The following TMC5 variants were observed in gnomAD, a reference collection of about 807,000 sequenced individuals.
The protein encoded by TMC5 is transmembrane channel-like protein 5.
In TMC5, 86 loss-of-function variants were observed where a neutral mutation model predicts 110.5. That is an observed-to-expected ratio of 0.78 (90% CI 0.65 to 0.93). TMC5 has a LOEUF of 0.93. Ranked by LOEUF, TMC5 falls within the 40% of genes least tolerant of loss-of-function variation. TMC5 has a pLI of 0.00. For missense variants in TMC5, 1,144 were observed against 1,222.8 expected (o/e 0.94, Z 0.96); for synonymous variants, 455 against 439.5 (o/e 1.04, Z -0.44).
chr16:19,460,315 G>C lies in TMC5; in HGVS notation c.1129G>C (p.Glu377Gln). 6.2e-7 allele frequency: 1 copy of C among 1,613,472 alleles called. No homozygotes were observed. Among genetic ancestry groups the C allele is most frequent in the South Asian group, 1.1e-5 (1 of 91,044 alleles). The change falls in exon 6 of 22, where the codon GAA (glutamate) becomes CAA (glutamine). Residue 377 changes from glutamate to glutamine, a missense_variant. Transcript: ENST00000542583. ...CATCAGGAACCAGCCAAGGACCATG[G>C]AAGAGAAAAGGAACCTTAGGTATGG... ...KAIRNQPRTM[E>Q]EKRNLRKIVD...
At position 19,457,142 on chromosome 16, in the gene TMC5, G is replaced by A. The variant is rs555961562; in HGVS notation, c.1049-3093G>A. On this transcript the variant is annotated intron_variant, in intron 5 of 21. Coordinates refer to ENST00000542583, the MANE Select transcript of TMC5 (RefSeq NM_001261841.2). Reference sequence around the variant, plus strand: ...TGGTGGCTCACACCTATAATCCTACGGCTTTGGGAGGCCAAGATAAGAGGA... The same window carrying A: ...TGGTGGCTCACACCTATAATCCTACAGCTTTGGGAGGCCAAGATAAGAGGA... 6.0e-5 allele frequency: 45 copies of A among 747,192 alleles called. No individual in the cohort carries two copies. The East Asian group carries it at 8.4e-4, about 14-fold the overall frequency. The allele number at this position is 747,192 out of a possible 1,614,324, so 46.3% of individuals were successfully genotyped here. A position where few individuals can be genotyped will look rare whatever the true frequency, so the allele number is the denominator to read the frequency against.
exon 1 of TMC5, chr16:19,411,021 C>G (rs1463308223): frequency 6.6e-6 from 1 of 152,280 alleles, no homozygotes; most frequent in Non-Finnish European, 1.5e-5. Flanking sequence ...GCGGCTCCAG[C>G]CCCAGACCGC....
intron 20 of TMC5, among the ~76,000 whole-genome samples, chr16:19,495,828 G>T (rs1236349394): frequency 2.6e-5 from 4 of 151,754 alleles, no homozygotes; most frequent in Admixed American, 1.3e-4. Context: ...GACAGAACAA[G>T]ACCCTCTCTC....
intron 9 of TMC5, among the ~76,000 whole-genome samples, chr16:19,468,220 C>G (rs1472110422): frequency 6.6e-6 from 1 of 152,184 alleles, no homozygotes; most frequent in East Asian, 1.9e-4. Flanking sequence ...GGTAATCCCC[C>G]CTGCTGGGCC....
intron 20 of TMC5, among the ~76,000 whole-genome samples, chr16:19,496,157 C>CAA (rs34143697): frequency 0.62 from 83,560 of 135,818 alleles, 25,986 homozygotes; most frequent in South Asian, 0.74. Context: ...GACTCCGTGT[C>CAA]AAAAAAAAAA....
intron 9 of TMC5, among the ~76,000 whole-genome samples, chr16:19,466,491 A>G (rs1054686386): frequency 1.3e-5 from 2 of 152,106 alleles, no homozygotes; most frequent in African/African-American, 4.8e-5. Context: ...AGCTAGGATT[A>G]CAGGCACCTG....
chr16:19,477,364 C>T, intron 12 of TMC5, 76 bp from the exon 13 acceptor site: 2 of 1,103,886 alleles, frequency 1.8e-6, no homozygotes, highest in Non-Finnish European at 2.8e-6. Flanking sequence ...TTACCATGTG[C>T]CCCAAAGGAG....
At chr16:19,452,883 A>G (rs1567308348) in intron 5 of TMC5, among the ~76,000 whole-genome samples, 1 of 152,110 alleles carries the variant, frequency 6.6e-6, no homozygotes, top group African/African-American at 2.4e-5. Flanking sequence ...AAAATAGAGC[A>G]AATGAAAAGA....
chr16:19,466,388 G>A (rs1031708285), intron 9 of TMC5, among the ~76,000 whole-genome samples, 155 bp downstream of exon 9: 2 of 152,086 alleles, frequency 1.3e-5, no homozygotes, highest in African/African-American at 4.8e-5. Context: ...GTCTCGCTCT[G>A]TCACCCATGC....
intron 17 of TMC5, among the ~76,000 whole-genome samples, chr16:19,489,644 ATTTT>A (rs34372092): frequency 7.0e-5 from 9 of 129,292 alleles, no homozygotes; most frequent in Admixed American, 1.6e-4. Context: ...TGCCTGGCTA[ATTTT>A]TTTTTTTTTT....
chr16:19,464,159 T>G (rs558515580), intron 8 of TMC5, 135 bp downstream of exon 8: 2 of 1,120,758 alleles, frequency 1.8e-6, no homozygotes, highest in Admixed American at 2.6e-5. Flanking sequence ...GTTTGAAATG[T>G]TTTCCTGGCT....
intron 5 of TMC5, chr16:19,457,133 T>C (rs1967897988): frequency 1.2e-6 from 1 of 837,658 alleles, no homozygotes; most frequent in South Asian, 1.8e-5. Context: ...CTCACACCTA[T>C]AATCCTACGG....
In TMC5 at chr16:19,449,595, C is replaced by A. The variant is rs773828934; in HGVS notation, c.1012C>A (p.Pro338Thr). The A allele has an allele frequency of 1.2e-6, 2 of 1,614,188 alleles. No individual in the cohort carries two copies. Among genetic ancestry groups the A allele is most frequent in the East Asian group, 4.5e-5 (2 of 44,882 alleles). ...TCCTGTCCATGCTTATGGAAACCCACCATTGTCTGAATGTGATTGGCACAA... is the reference window on the plus strand; with the variant it reads ...TCCTGTCCATGCTTATGGAAACCCAACATTGTCTGAATGTGATTGGCACAA... ...SGPVHAYGNP[P>T]LSECDWHKSP... is the part of the protein sequence containing the mutation. Residue 338 changes from proline to threonine, a missense_variant, in exon 5 of 22, where the codon CCA (proline) becomes ACA (threonine). Physicochemically the swap from Pro to Thr is conservative, Grantham distance 38. Transcript: ENST00000542583.
chr16:19,469,747 G>A lies in TMC5; in HGVS notation c.1704G>A (p.Leu568=), dbSNP rs772070228. The A allele has an allele frequency of 6.2e-7, 1 of 1,614,166 alleles. No homozygotes were observed. Among genetic ancestry groups the A allele is most frequent in the South Asian group, 1.1e-5 (1 of 91,088 alleles). The change falls in exon 10 of 22, where the codon CTG becomes CTA. Residue 568 remains leucine (L), a synonymous_variant. Transcript: ENST00000542583. ...PHIYSGGITK[L]IFCWDFTVTH... ...TTTACTCCGGAGGGATCACCAAGCT[G>A]ATCTTTTGCTGGGACTTCACTGTCA... is the stretch of plus-strand genomic sequence containing the variant.
intron 9 of TMC5, among the ~76,000 whole-genome samples, chr16:19,469,210 C>A (rs4782250): frequency 6.6e-6 from 1 of 151,582 alleles, no homozygotes; most frequent in African/African-American, 2.4e-5. Flanking sequence ...AAAAATTGGC[C>A]GGGCGTGGTG....
intron 4 of TMC5, among the ~76,000 whole-genome samples, chr16:19,447,837 C>T (rs1177829335): frequency 6.6e-6 from 1 of 151,960 alleles, no homozygotes; most frequent in Non-Finnish European, 1.5e-5. Context: ...TACAGGCATA[C>T]ACCACCACAC....
intron 5 of TMC5, among the ~76,000 whole-genome samples, chr16:19,455,142 A>T (rs1967835574): frequency 6.6e-6 from 1 of 152,064 alleles, no homozygotes; most frequent in South Asian, 2.1e-4. Flanking sequence ...CTCTAAAAAA[A>T]AAAGTTTAAA....
chr16:19,447,368 A>G (rs1967637703), intron 4 of TMC5, among the ~76,000 whole-genome samples: 1 of 152,200 alleles, frequency 6.6e-6, no homozygotes. Flanking sequence ...CTTCTGTCAT[A>G]TTCCATTGTT....
chr16:19,478,165 C>G (rs1463883386), intron 13 of TMC5, among the ~76,000 whole-genome samples: 1 of 152,166 alleles, frequency 6.6e-6, no homozygotes, highest in Admixed American at 6.5e-5. Flanking sequence ...TACTGCATCC[C>G]CCATGAGAAT....
Sources: allele counts gnomAD v4.1 joint callset (sites outside exome capture counted in the v4.1 genomes callset), GRCh38; gene constraint gnomAD v4.1.1; transcripts MANE v1.5; gene names NCBI Gene and HGNC (gene_info 2026-07-23, HGNC 2026-07-21).